The following DIAPH2 variants were observed in gnomAD, a reference collection of about 807,000 sequenced individuals.
The protein encoded by DIAPH2 is diaphanous related formin 2.
In DIAPH2, 35 loss-of-function variants were observed where a neutral mutation model predicts 92.7. The ratio of observed to expected loss-of-function variants is 0.38; its 90% CI spans 0.29 to 0.50. The LOEUF is 0.50. Among genes scored for constraint, DIAPH2 ranks in the 20% least tolerant of loss-of-function variants. The pLI is 0.94. For synonymous variants in DIAPH2, 301 were observed against 280.4 expected (o/e 1.07, Z -0.73); for missense variants, 701 against 819.5 (o/e 0.86, Z 1.77).
At chrX:97,470,356 C>T (rs752823873) in intron 26 of DIAPH2, among the ~76,000 whole-genome samples, 135 of 111,367 alleles carry the variant, frequency 1.2e-3, no homozygotes, top group Non-Finnish European at 1.9e-3. Flanking sequence ...TCATGTAATG[C>T]GTATATTTTT....
chrX:96,701,961 T>G (rs770447499), intron 1 of DIAPH2, among the ~76,000 whole-genome samples: 1 of 111,901 alleles, frequency 8.9e-6, no homozygotes, highest in Admixed American at 9.5e-5. Context: ...TCAGAGAGGT[T>G]AATTGATTCT....
chrX:97,095,148 G>T lies in DIAPH2; in HGVS notation c.2248-4546G>T, dbSNP rs759967879. On this transcript the variant is annotated intron_variant, in intron 19 of 26. Coordinates refer to ENST00000324765, the MANE Select transcript of DIAPH2 (RefSeq NM_006729.5). ...TTTTTTTTTTTTGAGATGGAGTCTC[G>T]CTCTTTCACCCAGGCTGGAGTGCAG... Among the ~76,000 whole-genome samples, 367 of 63,229 alleles carry T rather than the reference G, an allele frequency of 5.8e-3. 2 individuals carry two copies. The highest frequency in any genetic ancestry group is 8.2e-3 in the Non-Finnish European group (311 of 38,094). 54.9% of individuals were successfully genotyped at this position (63,229 alleles called of 115,157 possible).
intron 25 of DIAPH2, among the ~76,000 whole-genome samples, chrX:97,401,188 C>G (rs1197408429): frequency 9.0e-6 from 1 of 110,913 alleles, no homozygotes; most frequent in Non-Finnish European, 1.9e-5. Flanking sequence ...CAAGCCTTGT[C>G]CCACCCCTCC....
chrX:97,239,500 C>T (rs2147537549), intron 22 of DIAPH2, among the ~76,000 whole-genome samples: 1 of 111,167 alleles, frequency 9.0e-6, no homozygotes, highest in African/African-American at 3.3e-5. Flanking sequence ...AATAAAGAAC[C>T]CGATAGCTAT....
chrX:97,364,294 T>A (rs1237530399), intron 24 of DIAPH2, among the ~76,000 whole-genome samples: 1 of 111,476 alleles, frequency 9.0e-6, no homozygotes, highest in Admixed American at 9.5e-5. Flanking sequence ...GGGAGTGACC[T>A]CCCCTTCGAC....
At chrX:97,203,666 T>G (rs1384421994) in intron 22 of DIAPH2, among the ~76,000 whole-genome samples, 3 of 111,442 alleles carry the variant, frequency 2.7e-5, no homozygotes, top group African/African-American at 9.8e-5. Flanking sequence ...GTTCTGAAAT[T>G]GAGGCAGTAA....
At chrX:97,514,108 C>T (rs1487047585) in intron 26 of DIAPH2, among the ~76,000 whole-genome samples, 4 of 106,783 alleles carry the variant, frequency 3.7e-5, no homozygotes, top group Non-Finnish European at 5.8e-5. Context: ...AGAGTGTTTT[C>T]CAACTTGGTT....
At chrX:97,352,620 A>C (rs1294470077) in intron 24 of DIAPH2, among the ~76,000 whole-genome samples, 2 of 109,292 alleles carry the variant, frequency 1.8e-5, no homozygotes, top group Non-Finnish European at 3.8e-5. Context: ...CGGTAATCCC[A>C]GCACTTTGGG....
At chrX:97,183,226 T>G (rs897283838) in intron 22 of DIAPH2, among the ~76,000 whole-genome samples, 2 of 111,789 alleles carry the variant, frequency 1.8e-5, no homozygotes, top group African/African-American at 6.5e-5. Context: ...AGGAAATATC[T>G]ATCCTCATCT....
chrX:97,276,271 G>GAGGGAC (rs1166261198), intron 23 of DIAPH2, among the ~76,000 whole-genome samples: 9 of 112,131 alleles, frequency 8.0e-5, no homozygotes, highest in African/African-American at 1.6e-4. Context: ...ACCGTGGGGA[G>GAGGGAC]AGGGACAGGG....
intron 23 of DIAPH2, among the ~76,000 whole-genome samples, chrX:97,327,013 A>G (rs183122446): frequency 8.9e-6 from 1 of 112,669 alleles, no homozygotes; most frequent in East Asian, 2.8e-4. Context: ...GTTATAATTA[A>G]TTTGTATCCC....
At chrX:96,803,071 C>G (rs1366055300) in intron 4 of DIAPH2, among the ~76,000 whole-genome samples, 1 of 111,140 alleles carries the variant, frequency 9.0e-6, no homozygotes, top group Non-Finnish European at 1.9e-5. Context: ...GGTGCCCACC[C>G]AGATTGAGGG....
chrX:97,507,141 C>CAAAAAAAAAAAAAAAAAAAA (rs397896097), intron 26 of DIAPH2, among the ~76,000 whole-genome samples: 2 of 31,120 alleles, frequency 6.4e-5, no homozygotes, highest in Non-Finnish European at 1.1e-4. Context: ...ACAAAACCGA[C>CAAAAAAAAAAAAAAAAAAAA]AAAAAAAAAA....
intron 4 of DIAPH2, among the ~76,000 whole-genome samples, chrX:96,838,575 C>A (rs1027388453): frequency 4.5e-5 from 5 of 111,876 alleles, no homozygotes; most frequent in African/African-American, 1.6e-4. Flanking sequence ...GGGAAAATTA[C>A]AAAACTGTTT....
chrX:97,241,210 A>T (rs756127309), intron 22 of DIAPH2, among the ~76,000 whole-genome samples: 1 of 112,512 alleles, frequency 8.9e-6, no homozygotes, highest in South Asian at 3.7e-4. Context: ...AGATAAGTTA[A>T]TACATAAAAC....
chrX:96,761,863 A>G (rs186499810), intron 4 of DIAPH2, among the ~76,000 whole-genome samples: 1 of 111,456 alleles, frequency 9.0e-6, no homozygotes, highest in East Asian at 2.8e-4. Context: ...TAATGGCACC[A>G]AAGAGGCTTT....
intron 4 of DIAPH2, among the ~76,000 whole-genome samples, chrX:96,794,594 G>A (rs765120155): frequency 9.1e-6 from 1 of 109,706 alleles, no homozygotes; most frequent in African/African-American, 3.3e-5. Flanking sequence ...GTAAAATCAT[G>A]TTGGAGAGCA....
intron 23 of DIAPH2, among the ~76,000 whole-genome samples, chrX:97,314,652 A>G (rs954133224): frequency 1.8e-5 from 2 of 111,679 alleles, no homozygotes; most frequent in African/African-American, 6.5e-5. Flanking sequence ...TGTCTCTTTG[A>G]TATATATCTT....
At chrX:97,101,903 T>C (rs1360523795) in intron 20 of DIAPH2, among the ~76,000 whole-genome samples, 1 of 112,349 alleles carries the variant, frequency 8.9e-6, no homozygotes, top group Non-Finnish European at 1.9e-5. Flanking sequence ...CCCTTAAACA[T>C]ATATCAACAG....
Sources: gnomAD v4.1 joint callset for allele counts (sites outside exome capture counted in the v4.1 genomes callset) on GRCh38, gnomAD v4.1.1 for gene constraint, MANE v1.5 for transcripts, NCBI Gene and HGNC (gene_info 2026-07-23, HGNC 2026-07-21) for gene names.